The following CYP2A6 variants were observed in gnomAD, a reference collection of about 807,000 sequenced individuals.
CYP2A6 encodes the protein cytochrome P450 family 2 subfamily A member 6, also known as cytochrome P450 2A6.
CYP2A6 carries 27 observed loss-of-function variants against 42.3 expected under a neutral mutation model. The observed-to-expected ratio is 0.64, with a 90% CI of 0.47 to 0.88. The LOEUF (loss-of-function observed/expected upper bound fraction) is 0.88. Among genes scored for constraint, CYP2A6 ranks in the 40% least tolerant of loss-of-function variants. The pLI is 0.00. For synonymous variants in CYP2A6, 238 were observed against 246.3 expected (o/e 0.97, Z 0.31); for missense variants, 628 against 646.0 (o/e 0.97, Z 0.30).
chr19:40,849,904 G>T lies in CYP2A6; in HGVS notation c.257C>A (p.Ala86Asp). Residue 86 changes from alanine (A) to aspartate (D), a missense_variant, in exon 2 of 9, where the codon GCC becomes GAC. This residue lies in a region of CYP2A6 where 606 missense variants were observed against 568.1 expected (regional missense o/e 1.07). Coordinates refer to ENST00000301141, the MANE Select transcript of CYP2A6 (RefSeq NM_000762.6). The part of the protein sequence containing the change: ...RRVVVLCGHD[A>D]VREALVDQAE... Reference sequence around the variant, plus strand: ...CTGGTCCACCAGAGCCTCCCTGACGGCATCATGTCCACACAGCACCACGAC... The same window carrying T: ...CTGGTCCACCAGAGCCTCCCTGACGTCATCATGTCCACACAGCACCACGAC... 6.2e-7 allele frequency: 1 copy of T among 1,611,572 alleles called. No individual in the cohort carries two copies. Among genetic ancestry groups the T allele is most frequent in the Non-Finnish European group, 8.5e-7 (1 of 1,179,740 alleles).
At chr19:40,846,560 C>T (rs1381794726) in intron 5 of CYP2A6, among the ~76,000 whole-genome samples, 1 of 151,164 alleles carries the variant, frequency 6.6e-6, no homozygotes, top group Non-Finnish European at 1.5e-5. Flanking sequence ...GAGTGCAATG[C>T]CGTGATCTTG....
intron 6 of CYP2A6, 61 bp from the exon 7 acceptor site, chr19:40,845,542 C>A: frequency 6.3e-7 from 1 of 1,593,654 alleles, no homozygotes; most frequent in Non-Finnish European, 8.6e-7. Flanking sequence ...AAATGATAGT[C>A]CGAATAGGCA....
intron 1 of CYP2A6, 34 bp from the exon 2 acceptor site, chr19:40,850,014 A>G: frequency 6.3e-7 from 1 of 1,595,442 alleles, no homozygotes; most frequent in Non-Finnish European, 8.5e-7. Context: ...TTAGAGGGAG[A>G]AGCCTCCACT....
chr19:40,849,011 A>AC (rs1332332247), intron 2 of CYP2A6, among the ~76,000 whole-genome samples: 3 of 50,752 alleles, frequency 5.9e-5, no homozygotes, highest in South Asian at 7.3e-4. Flanking sequence ...AGAGAGAGAG[A>AC]AGAGAGAGAG....
rs200793736 is a variant in CYP2A6 at position 40,848,671 on chromosome 19, C to T, written c.436G>A (p.Glu146Lys). 6.2e-6 allele frequency: 10 copies of T among 1,611,976 alleles called. No individual in the cohort carries two copies. The highest frequency in any genetic ancestry group is 1.7e-5 in the Admixed American group (1 of 59,996). The stretch of plus-strand genomic sequence containing the variant: ...CCCGCCTCCTCCTGGATGCGCTCCT[C>T]GATGCCTCGCTTGCCCACCCCGAAG... ...RDFGVGKRGI[E>K]ERIQEEAGFL... The change falls in exon 3 of 9, where the codon GAG becomes AAG. Residue 146 changes from glutamate (E) to lysine (K), a missense_variant. Physicochemically the swap from Glu to Lys is moderately conservative, Grantham distance 56. Coordinates refer to ENST00000301141, the MANE Select transcript of CYP2A6 (RefSeq NM_000762.6).
chr19:40,845,407 G>A lies in CYP2A6; in HGVS notation c.1048C>T (p.Pro350Ser). ...TCGTGGATCACTGCCTCCATGTAGG[G>A]CATCTTGGCCCGGTCCTCAAACTTG... The part of the protein sequence containing the change: ...QPKFEDRAKM[P>S]YMEAVIHEIQ... Residue 350 changes from proline to serine, a missense_variant, in exon 7 of 9, where the codon CCC (proline) becomes TCC (serine). Transcript: ENST00000301141. The A allele has an allele frequency of 1.9e-6, 3 of 1,611,788 alleles. No individual in the cohort carries two copies. Among genetic ancestry groups the A allele is most frequent in the Non-Finnish European group, 2.5e-6 (3 of 1,179,920 alleles).
At chr19:40,847,984 G>A (rs2545782) in intron 4 of CYP2A6, among the ~76,000 whole-genome samples, 13 of 151,822 alleles carry the variant, frequency 8.6e-5, no homozygotes, top group Non-Finnish European at 1.6e-4. Context: ...TATGCATCCT[G>A]CCAGCAGGCT....
chr19:40,844,496 G>A (rs2083445459), intron 8 of CYP2A6, 135 bp downstream of exon 8: 1 of 1,469,194 alleles, frequency 6.8e-7, no homozygotes, highest in Non-Finnish European at 9.4e-7. Flanking sequence ...AGTATCAGCT[G>A]CTGGCTCAAG....
rs2083441165 is a variant in CYP2A6, at chr19:40,843,699, T to A, written c.*97A>T. 42 of 1,294,744 alleles carry A rather than the reference T, an allele frequency of 3.2e-5. 9 individuals carry two copies. The highest frequency in any genetic ancestry group is 4.0e-5 in the Non-Finnish European group (39 of 971,138). 80.2% of individuals were successfully genotyped at this position (1,294,744 alleles called of 1,614,324 possible). A position where few individuals can be genotyped will look rare whatever the true frequency, so the allele number is the denominator to read the frequency against. ...CCACGCCCCTTCCTTTCCGCCATCC[T>A]GCCCCCAGTCTTAGCTGCGCCCCTC... On this transcript the variant is annotated 3_prime_UTR_variant, in exon 9 of 9. Transcript: ENST00000301141.
intron 7 of CYP2A6, 123 bp downstream of exon 7, chr19:40,845,171 G>A (rs1568514001): frequency 2.4e-6 from 3 of 1,265,928 alleles, no homozygotes; most frequent in Non-Finnish European, 3.4e-6. Flanking sequence ...GGTTGGGGAA[G>A]TCTTTTTTGA....
chr19:40,848,880 G>A, intron 2 of CYP2A6, 117 bp from the exon 3 acceptor site: 1 of 1,179,092 alleles, frequency 8.5e-7, no homozygotes, highest in Non-Finnish European at 1.2e-6. Flanking sequence ...GGAGAGAGAT[G>A]GATTCAGCGC....
chr19:40,844,638 A>G lies in CYP2A6; in HGVS notation c.1296T>C (p.Phe432=). 1.9e-6 allele frequency: 3 copies of G among 1,611,550 alleles called. No individual in the cohort carries two copies. The highest frequency in any genetic ancestry group is 1.3e-5 in the African/African-American group (1 of 74,722). The stretch of plus-strand genomic sequence containing the variant: ...CAAACAGTGGTCTCTTACCGATGGA[A>G]AAGGGCACAAAAGCATCACTCTTCT... ...QFKKSDAFVP[F]SIGKRNCFGE... Residue 432 remains phenylalanine (F), a synonymous_variant, in exon 8 of 9, where the codon TTT becomes TTC. Transcript: ENST00000301141.
At position 40,843,547 on chromosome 19, in the gene CYP2A6, A is replaced by G; in HGVS notation, c.*249T>C. On this transcript the variant is annotated 3_prime_UTR_variant, in exon 9 of 9. Coordinates refer to ENST00000301141, the MANE Select transcript of CYP2A6 (RefSeq NM_000762.6). ...GTGACACGGGGGTACGTGCTCAGGA[A>G]ATAAGAGCTGCTATTATTACTACTC... The G allele has an allele frequency of 1.6e-6, 1 of 636,086 alleles. No individual in the cohort carries two copies. Among genetic ancestry groups the G allele is most frequent in the Non-Finnish European group, 2.6e-6 (1 of 386,042 alleles). The allele number at this position is 636,086 out of a possible 1,614,324, so 39.4% of individuals were successfully genotyped here. A position where few individuals can be genotyped will look rare whatever the true frequency, so the allele number is the denominator to read the frequency against.
At chr19:40,847,523 G>A (rs1967120585) in intron 4 of CYP2A6, among the ~76,000 whole-genome samples, 1 of 151,418 alleles carries the variant, frequency 6.6e-6, no homozygotes, top group South Asian at 2.1e-4. Context: ...ATTAAAGTGG[G>A]GCTGGTGAAG....
intron 7 of CYP2A6, 126 bp downstream of exon 7, chr19:40,845,168 G>T (rs1355513009): frequency 8.3e-7 from 1 of 1,210,414 alleles, no homozygotes; most frequent in Non-Finnish European, 1.2e-6. Context: ...GGTGGTTGGG[G>T]AAGTCTTTTT....
At chr19:40,844,058 C>T in intron 8 of CYP2A6, 81 bp from the exon 9 acceptor site, 2 of 1,495,072 alleles carry the variant, frequency 1.3e-6, no homozygotes, top group Admixed American at 2.4e-5. Context: ...CCAGCTGCGG[C>T]TCTCCCAGGG....
chr19:40,845,273 G>C (rs532833480), intron 7 of CYP2A6, 21 bp downstream of exon 7: 2 of 1,611,418 alleles, frequency 1.2e-6, no homozygotes, highest in African/African-American at 2.7e-5. Context: ...CCGTAGTCTG[G>C]GGGGTGGGGG....
intron 4 of CYP2A6, 132 bp from the exon 5 acceptor site, chr19:40,847,183 G>A: frequency 7.2e-7 from 1 of 1,381,460 alleles, no homozygotes; most frequent in Non-Finnish European, 9.7e-7. Flanking sequence ...AGGTATTTCA[G>A]TGGGGCCGGA....
Position 40,845,309 on chromosome 19 carries a change from A to C in CYP2A6, c.1146T>G (p.Asp382Glu), listed in dbSNP as rs781140086. 1.2e-6 allele frequency: 2 copies of C among 1,611,288 alleles called. No homozygotes were observed. The highest frequency in any genetic ancestry group is 1.3e-5 in the African/African-American group (1 of 74,514). ...CGGATAGCACCTTAGGGAGGAAGAA[A>C]TCCCGAAACTTGGTGTCCTTTTTGA... ...RRVKKDTKFR[D>E]FFLPKGTEVY... The change falls in exon 7 of 9, where the codon GAT becomes GAG. Residue 382 changes from aspartate (D) to glutamate (E), a missense_variant. By Grantham distance (45) the Asp-to-Glu change is conservative. Coordinates refer to ENST00000301141, the MANE Select transcript of CYP2A6 (RefSeq NM_000762.6).
Sources: allele counts gnomAD v4.1 joint callset (sites outside exome capture counted in the v4.1 genomes callset), GRCh38; gene constraint gnomAD v4.1.1; regional missense constraint gnomAD v4.1.1; transcripts MANE v1.5; gene names NCBI Gene and HGNC (gene_info 2026-07-23, HGNC 2026-07-21).